The following CATSPER3 variants were observed in gnomAD, a reference collection of about 807,000 sequenced individuals.
The protein encoded by CATSPER3 is cation channel sperm-associated protein 3.
A neutral mutation model predicts 36.6 loss-of-function variants in CATSPER3; 23 were observed. That is an observed-to-expected ratio of 0.63 (90% confidence interval 0.45 to 0.89). The LOEUF is 0.89. Ranked by LOEUF, CATSPER3 falls within the 40% of genes least tolerant of loss-of-function variation. The pLI, the probability that CATSPER3 is intolerant of heterozygous loss-of-function variation, is 0.00. For synonymous variants in CATSPER3, 172 were observed against 184.1 expected (o/e 0.93, Z 0.53); for missense variants, 474 against 503.9 (o/e 0.94, Z 0.57).
intron 2 of CATSPER3, among the ~76,000 whole-genome samples, chr5:134,977,716 T>G (rs1402354468): frequency 6.6e-6 from 1 of 152,200 alleles, no homozygotes; most frequent in African/African-American, 2.4e-5. Flanking sequence ...TTTTCCCATA[T>G]TAGTTTTTGT....
intron 2 of CATSPER3, among the ~76,000 whole-genome samples, chr5:134,994,338 T>C (rs1751918324): frequency 6.6e-6 from 1 of 152,202 alleles, no homozygotes; most frequent in Non-Finnish European, 1.5e-5. Context: ...TGCCCAACTT[T>C]ATTAATAGAG....
intron 2 of CATSPER3, among the ~76,000 whole-genome samples, chr5:134,990,346 A>C (rs1419911624): frequency 6.6e-6 from 1 of 152,162 alleles, no homozygotes; most frequent in Non-Finnish European, 1.5e-5. Context: ...TCAAGCAGGG[A>C]GGACTTTCAG....
chr5:134,991,948 AC>A (rs1049840522), intron 2 of CATSPER3, among the ~76,000 whole-genome samples: 4 of 152,012 alleles, frequency 2.6e-5, no homozygotes, highest in Non-Finnish European at 5.9e-5. Flanking sequence ...ACCTGATGGA[AC>A]CTTGTCTACA....
chr5:135,010,279 C>G (rs906536957), intron 6 of CATSPER3, 94 bp from the exon 7 acceptor site: 18 of 1,133,154 alleles, frequency 1.6e-5, no homozygotes, highest in East Asian at 9.4e-5. Context: ...GGTCAGGCCG[C>G]TGCCTGGGGC....
rs1258554571 is a variant in CATSPER3, at chr5:134,967,981, A to C, written c.-11A>C. 5 of 1,609,932 alleles carry C rather than the reference A, an allele frequency of 3.1e-6. No individual in the cohort carries two copies. In the South Asian group the frequency reaches 5.5e-5, roughly 18 times the overall value. Reference sequence around the variant, plus strand: ...GCTAAAAGCAAGGAATAAAAGTTGAAAATTTGGAAAATGTCTCAACACCGT... The same window carrying C: ...GCTAAAAGCAAGGAATAAAAGTTGACAATTTGGAAAATGTCTCAACACCGT... On this transcript the variant is annotated 5_prime_UTR_variant, in exon 1 of 8. Coordinates refer to ENST00000282611, the MANE Select transcript of CATSPER3 (RefSeq NM_178019.3).
chr5:134,968,349 C>A, intron 1 of CATSPER3: 1 of 447,624 alleles, frequency 2.2e-6, no homozygotes, highest in Non-Finnish European at 4.1e-6. Flanking sequence ...TTATAATAGA[C>A]CCCATCTCAA....
At chr5:134,981,145 CCTCT>C (rs914230717) in intron 2 of CATSPER3, among the ~76,000 whole-genome samples, 39 of 150,848 alleles carry the variant, frequency 2.6e-4, no homozygotes, top group African/African-American at 7.3e-5. Flanking sequence ...TTCCCCAAAC[CCTCT>C]CTCTCTCTCC....
intron 2 of CATSPER3, among the ~76,000 whole-genome samples, chr5:134,979,136 CTTTA>C (rs904516470): frequency 2.0e-5 from 3 of 151,600 alleles, no homozygotes; most frequent in African/African-American, 2.4e-5. Flanking sequence ...CCAGAGCAGA[CTTTA>C]TTTGTTTGTT....
chr5:135,008,503 C>G (rs961072876), intron 4 of CATSPER3, among the ~76,000 whole-genome samples: 5 of 152,140 alleles, frequency 3.3e-5, no homozygotes, highest in Non-Finnish European at 7.4e-5. Context: ...ATGCAAAACC[C>G]AAATCTAGAA....
intron 2 of CATSPER3, among the ~76,000 whole-genome samples, chr5:134,984,271 G>A (rs1453765637): frequency 3.9e-5 from 6 of 152,100 alleles, no homozygotes; most frequent in Admixed American, 3.9e-4. Flanking sequence ...CAACAAAATT[G>A]TATAAATGGG....
chr5:134,995,073 C>A (rs901845994), intron 2 of CATSPER3, among the ~76,000 whole-genome samples: 2 of 150,266 alleles, frequency 1.3e-5, no homozygotes, highest in African/African-American at 2.5e-5. Flanking sequence ...ATATTTTGGG[C>A]TACTTGATAC....
At chr5:134,995,282 T>C (rs1751931161) in intron 2 of CATSPER3, among the ~76,000 whole-genome samples, 2 of 152,132 alleles carry the variant, frequency 1.3e-5, no homozygotes, top group Admixed American at 1.3e-4. Flanking sequence ...CCTCTCTTCA[T>C]CCCCTGCCCT....
chr5:134,970,683 T>G (rs1751593071), intron 2 of CATSPER3, among the ~76,000 whole-genome samples: 1 of 150,604 alleles, frequency 6.6e-6, no homozygotes, highest in African/African-American at 2.4e-5. Context: ...GTGATTCTCC[T>G]GCCTCAGCCG....
intron 3 of CATSPER3, among the ~76,000 whole-genome samples, chr5:135,005,930 C>T (rs1484603920): frequency 6.6e-6 from 1 of 152,208 alleles, no homozygotes; most frequent in East Asian, 1.9e-4. Flanking sequence ...TGGGCACCTG[C>T]CTTGCCTGGA....
intron 1 of CATSPER3, chr5:134,969,735 A>G (rs1751578635): frequency 3.3e-6 from 2 of 600,646 alleles, no homozygotes; most frequent in Non-Finnish European, 5.9e-6. Flanking sequence ...GAGCTAAGTA[A>G]CTGAGTGAGG....
intron 2 of CATSPER3, among the ~76,000 whole-genome samples, chr5:134,980,864 C>G (rs1477024263): frequency 6.6e-6 from 1 of 152,076 alleles, no homozygotes; most frequent in Non-Finnish European, 1.5e-5. Context: ...GTAGCTAGGA[C>G]TACATGCATA....
intron 3 of CATSPER3, among the ~76,000 whole-genome samples, chr5:134,997,091 T>A (rs558360901): frequency 6.6e-6 from 1 of 152,366 alleles, no homozygotes; most frequent in African/African-American, 2.4e-5. Flanking sequence ...CCTTGAATCG[T>A]GCCCTCAGGC....
intron 2 of CATSPER3, among the ~76,000 whole-genome samples, chr5:134,985,438 G>A (rs1343291064): frequency 6.6e-6 from 1 of 152,168 alleles, no homozygotes; most frequent in Non-Finnish European, 1.5e-5. Context: ...GAACTCAGAA[G>A]GGGGAGGTTG....
chr5:134,968,481 A>G (rs866832580), intron 1 of CATSPER3: 7 of 267,496 alleles, frequency 2.6e-5, no homozygotes, highest in Non-Finnish European at 4.3e-5. Flanking sequence ...ACTTGAGGTC[A>G]GGAGTTTGAG....
Sources: allele counts gnomAD v4.1 joint callset (sites outside exome capture counted in the v4.1 genomes callset), GRCh38; gene constraint gnomAD v4.1.1; transcripts MANE v1.5; gene names NCBI Gene and HGNC (gene_info 2026-07-23, HGNC 2026-07-21).